The following WASHC3 variants were observed in gnomAD, a reference collection of about 807,000 sequenced individuals.
WASHC3 encodes WASH complex subunit CCDC53.
WASHC3 carries 24 observed loss-of-function variants against 26.1 expected under a neutral mutation model. The observed-to-expected ratio is 0.92, with a 90% confidence interval of 0.66 to 1.29. The LOEUF (loss-of-function observed/expected upper bound fraction) is 1.29. WASHC3 is among the 50% of genes most tolerant of loss of function. The pLI, the probability that WASHC3 is intolerant of heterozygous loss-of-function variation, is 0.00. For missense variants in WASHC3, 214 were observed against 229.6 expected (o/e 0.93, Z 0.44); for synonymous variants, 77 against 75.7 (o/e 1.02, Z -0.09).
intron 6 of WASHC3, among the ~76,000 whole-genome samples, chr12:102,021,338 A>G (rs533133310): frequency 6.6e-6 from 1 of 152,336 alleles, no homozygotes; most frequent in East Asian, 1.9e-4. Context: ...GCCTAATATC[A>G]TGAAGAAAAA....
Position 102,035,846 on chromosome 12 carries a change from G to A in WASHC3, c.435+4022C>T, listed in dbSNP as rs143319091. ...AGTGACAAACTCCAGGAAGAATACC[G>A]GTAAAGTCATTGGATAGGTCAACAA... On this transcript the variant is annotated intron_variant, in intron 5 of 6. Coordinates refer to ENST00000240079, the MANE Select transcript of WASHC3 (RefSeq NM_016053.4). Among the ~76,000 whole-genome samples the A allele has an allele frequency of 3.3e-4, 50 of 152,262 alleles. No individual in the cohort carries two copies. In the East Asian group the frequency reaches 4.6e-3, roughly 14 times the overall value.
At chr12:102,023,622 C>T (rs905656072) in intron 6 of WASHC3, among the ~76,000 whole-genome samples, 8 of 152,076 alleles carry the variant, frequency 5.3e-5, no homozygotes, top group Non-Finnish European at 8.8e-5. Flanking sequence ...TCTGTTAACA[C>T]GGTAGTTGAC....
In WASHC3 at chr12:102,028,746, TATAAGAATA is replaced by T. The variant is rs982192382; in HGVS notation, c.436-2717_436-2709del. Among the ~76,000 whole-genome samples the T allele has an allele frequency of 2.0e-4, 30 of 151,008 alleles. 1 individual carries two copies. In the South Asian group the frequency reaches 3.3e-3, roughly 17 times the overall value. The stretch of plus-strand genomic sequence containing the variant: ...TGAACATCAGCTTCATGGAATTGAT[TATAAGAATA>T]ATAAGAATTATAAGAATAATAAGAA... On this transcript the variant is annotated intron_variant, in intron 5 of 6. Transcript: ENST00000240079.
At chr12:102,021,315 A>T (rs963501270) in intron 6 of WASHC3, among the ~76,000 whole-genome samples, 1 of 152,206 alleles carries the variant, frequency 6.6e-6, no homozygotes, top group Non-Finnish European at 1.5e-5. Flanking sequence ...TGCAACCAGG[A>T]AAACAATTTA....
Position 102,013,204 on chromosome 12 carries a change from GA to G in WASHC3, c.501-13del, listed in dbSNP as rs774911703. 8.7e-5 allele frequency: 123 copies of G among 1,419,478 alleles called. No individual in the cohort carries two copies. Among genetic ancestry groups the G allele is most frequent in the African/African-American group, 3.2e-4 (22 of 68,894 alleles). 87.9% of individuals were successfully genotyped at this position (1,419,478 alleles called of 1,614,324 possible). On this transcript the variant is annotated splice_polypyrimidine_tract_variant and intron_variant, in intron 6 of 6. Coordinates refer to ENST00000240079, the MANE Select transcript of WASHC3 (RefSeq NM_016053.4). Reference sequence around the variant, plus strand: ...GAGCATCTGGCCTCCTAAAAGAAAAGAAAAAAAAATTTCAAAGGTCTTTTCC... The same window carrying G: ...GAGCATCTGGCCTCCTAAAAGAAAAGAAAAAAAATTTCAAAGGTCTTTTCC...
chr12:102,059,166 GA>G (rs1878707708), intron 2 of WASHC3, among the ~76,000 whole-genome samples: 1 of 152,084 alleles, frequency 6.6e-6, no homozygotes, highest in South Asian at 2.1e-4. Flanking sequence ...ATATTGTATT[GA>G]AAATTGCTAA....
chr12:102,047,827 A>G lies in WASHC3; in HGVS notation c.151-1708T>C, dbSNP rs951039325. On this transcript the variant is annotated intron_variant, in intron 2 of 6. Transcript: ENST00000240079. The stretch of plus-strand genomic sequence containing the variant: ...TCATCAATACTGTAAATATCTGAGT[A>G]TTTACCTTGCTACATATGGTACAGT... Among the ~76,000 whole-genome samples, 3 of 152,330 alleles carry G rather than the reference A, an allele frequency of 2.0e-5. No individual in the cohort carries two copies. The East Asian group carries it at 5.8e-4, about 29-fold the overall frequency.
chr12:102,061,839 G>A (rs1878824489), intron 1 of WASHC3, 73 bp downstream of exon 1: 2 of 1,347,122 alleles, frequency 1.5e-6, no homozygotes, highest in African/African-American at 2.9e-5. Flanking sequence ...GAAGGTGGGT[G>A]TCTCCCCGGA....
At chr12:102,060,232 T>TC (rs1481472104) in intron 2 of WASHC3, among the ~76,000 whole-genome samples, 1 of 152,236 alleles carries the variant, frequency 6.6e-6, no homozygotes, top group Non-Finnish European at 1.5e-5. Context: ...ATGGTTCCCA[T>TC]TGTCTTCCCC....
intron 6 of WASHC3, among the ~76,000 whole-genome samples, chr12:102,015,636 G>A (rs1386267007): frequency 6.6e-6 from 1 of 152,152 alleles, no homozygotes; most frequent in Non-Finnish European, 1.5e-5. Flanking sequence ...TCATCATCAT[G>A]CATCTACTAT....
chr12:102,015,109 C>T (rs963101990), intron 6 of WASHC3, among the ~76,000 whole-genome samples: 1 of 152,104 alleles, frequency 6.6e-6, no homozygotes, highest in African/African-American at 2.4e-5. Flanking sequence ...TCAAGACCAG[C>T]CTGGGCAACA....
At chr12:102,045,105 TAAAAAA>T (rs146922435) in intron 3 of WASHC3, among the ~76,000 whole-genome samples, 3 of 148,436 alleles carry the variant, frequency 2.0e-5, no homozygotes, top group African/African-American at 7.4e-5. Context: ...GAATAATAAT[TAAAAAA>T]AAAACCAATG....
At chr12:102,015,658 T>A (rs926859484) in intron 6 of WASHC3, among the ~76,000 whole-genome samples, 1 of 152,184 alleles carries the variant, frequency 6.6e-6, no homozygotes, top group Non-Finnish European at 1.5e-5. Flanking sequence ...TGCTAGAAAA[T>A]GTGTTAGGTA....
intron 6 of WASHC3, among the ~76,000 whole-genome samples, chr12:102,015,079 T>C (rs1876641023): frequency 6.6e-6 from 1 of 152,010 alleles, no homozygotes; most frequent in African/African-American, 2.4e-5. Flanking sequence ...GAAGAGGGCG[T>C]TTTGCTTGAG....
intron 5 of WASHC3, among the ~76,000 whole-genome samples, chr12:102,037,102 G>C (rs1026532726): frequency 1.3e-5 from 2 of 152,068 alleles, no homozygotes; most frequent in Admixed American, 1.3e-4. Context: ...AATTTTGTAG[G>C]GTAGGGCCCA....
intron 6 of WASHC3, among the ~76,000 whole-genome samples, chr12:102,025,002 A>G (rs1877114553): frequency 1.3e-5 from 2 of 152,212 alleles, no homozygotes; most frequent in African/African-American, 4.8e-5. Flanking sequence ...ATGTAGATAT[A>G]TGTTTGAAAT....
rs146289152 is a variant in WASHC3 at position 102,053,773 on chromosome 12, TG to T, written c.150+7474del. On this transcript the variant is annotated intron_variant, in intron 2 of 6. Coordinates refer to ENST00000240079, the MANE Select transcript of WASHC3 (RefSeq NM_016053.4). ...AAAAATCAAACAGAAATTTTAGAGC[TG>T]AAAAAAAAATGTATACAGTCAAATT... Among the ~76,000 whole-genome samples the T allele has an allele frequency of 4.1e-3, 623 of 151,970 alleles. 5 individuals are homozygous for T. Among genetic ancestry groups the T allele is most frequent in the African/African-American group, 0.013 (536 of 41,500 alleles).
intron 2 of WASHC3, among the ~76,000 whole-genome samples, 173 bp from the exon 3 acceptor site, chr12:102,046,292 G>A (rs1338089207): frequency 2.7e-5 from 4 of 148,590 alleles, no homozygotes; most frequent in Non-Finnish European, 4.4e-5. Flanking sequence ...GTATTATAAT[G>A]CTTCTCAGTT....
intron 5 of WASHC3, 33 bp downstream of exon 5, chr12:102,039,834 TG>T (rs1362962321): frequency 1.0e-6 from 1 of 989,244 alleles, no homozygotes; most frequent in South Asian, 1.3e-5. Flanking sequence ...CAAGTGAGGC[TG>T]CTACACAAAG....
Sources: allele counts gnomAD v4.1 joint callset (sites outside exome capture counted in the v4.1 genomes callset), GRCh38; gene constraint gnomAD v4.1.1; transcripts MANE v1.5; gene names NCBI Gene and HGNC (gene_info 2026-07-23, HGNC 2026-07-21).